The following GPC6 variants were observed in gnomAD, a reference collection of about 807,000 sequenced individuals.
GPC6 encodes glypican-6.
GPC6 carries 14 observed loss-of-function variants against 55.2 expected under a neutral mutation model. The ratio of observed to expected loss-of-function variants is 0.25; its 90% confidence interval spans 0.17 to 0.40. The LOEUF (loss-of-function observed/expected upper bound fraction) is 0.40. Ranked by LOEUF, GPC6 falls within the 10% of genes least tolerant of loss-of-function variation. The pLI, the probability that GPC6 is intolerant of heterozygous loss-of-function variation, is 1.00. For missense variants in GPC6, 641 were observed against 708.5 expected, an observed-to-expected ratio of 0.90 and a Z score of 1.08; for synonymous variants, 278 against 259.6, an observed-to-expected ratio of 1.07 and a Z score of -0.68.
chr13:93,985,615 C>T (rs1880990333), intron 3 of GPC6, among the ~76,000 whole-genome samples: 2 of 141,470 alleles, frequency 1.4e-5, no homozygotes, highest in South Asian at 4.4e-4. Flanking sequence ...TCCATTGAGC[C>T]CAGGAATTCC....
intron 2 of GPC6, among the ~76,000 whole-genome samples, chr13:93,672,658 CATAT>C (rs145132164): frequency 1.3e-5 from 2 of 148,898 alleles, no homozygotes; most frequent in Non-Finnish European, 3.0e-5. Context: ...ATATATATGC[CATAT>C]ATATATACAC....
intron 3 of GPC6, among the ~76,000 whole-genome samples, chr13:93,917,403 C>CAA (rs796168883): frequency 6.6e-6 from 1 of 151,728 alleles, no homozygotes; most frequent in Non-Finnish European, 1.5e-5. Context: ...CTGCCACACA[C>CAA]AAAAAAACAT....
chr13:94,037,844 A>G (rs1277017135), intron 4 of GPC6, among the ~76,000 whole-genome samples: 2 of 151,964 alleles, frequency 1.3e-5, no homozygotes, highest in Non-Finnish European at 2.9e-5. Context: ...GTCTAATAGA[A>G]TTTTCTGTGA....
At position 94,067,616 on chromosome 13, in the gene GPC6, T is replaced by TAGAC. The variant is rs1208428345; in HGVS notation, c.877+39725_877+39726insCAGA. On this transcript the variant is annotated intron_variant, in intron 4 of 8. Coordinates refer to ENST00000377047, the MANE Select transcript of GPC6 (RefSeq NM_005708.5). Reference sequence around the variant, plus strand: ...ATAGATAGATAGATAGATAGATAGATAGATAGACAGACAGACAGACAGATA... The same window carrying TAGAC: ...ATAGATAGATAGATAGATAGATAGATAGACAGATAGACAGACAGACAGACAGATA... 2.1e-5 allele frequency among the ~76,000 whole-genome samples: 3 copies of TAGAC among 141,190 alleles called. No individual in the cohort carries two copies. The East Asian group carries it at 6.2e-4, about 29-fold the overall frequency. The allele number at this position is 141,190 out of a possible 152,430, so 92.6% of individuals were successfully genotyped here.
chr13:93,955,106 C>G (rs1333523779), intron 3 of GPC6, among the ~76,000 whole-genome samples: 1 of 152,084 alleles, frequency 6.6e-6, no homozygotes, highest in Non-Finnish European at 1.5e-5. Flanking sequence ...TGAATGGTGG[C>G]AGGTCACACT....
intron 3 of GPC6, among the ~76,000 whole-genome samples, chr13:93,990,767 G>C (rs1881264243): frequency 6.6e-6 from 1 of 151,708 alleles, no homozygotes; most frequent in South Asian, 2.1e-4. Context: ...GGAAGCTGAG[G>C]CATGAGGATT....
intron 6 of GPC6, among the ~76,000 whole-genome samples, chr13:94,339,751 CTTTTTTTTTTTTTTTT>C (rs56074677): frequency 1.6e-5 from 1 of 63,794 alleles, no homozygotes; most frequent in Non-Finnish European, 2.9e-5. Context: ...GCATACTTTC[CTTTTTTTTTTTTTTTT>C]TTTTTTTTTT....
At position 94,149,987 on chromosome 13, in the gene GPC6, A is replaced by G. The variant is rs540759255; in HGVS notation, c.877+122093A>G. Among the ~76,000 whole-genome samples, 14 of 141,686 alleles carry G rather than the reference A, an allele frequency of 9.9e-5. No homozygotes were observed. The South Asian group carries it at 2.9e-3, about 29-fold the overall frequency. The allele number at this position is 141,686 out of a possible 152,430, so 93.0% of individuals were successfully genotyped here. ...GCCCTGTTCCCAGTCACCTCAGGAAAAAAGGTATAGGCCAGGATAACAGGA... is the reference window on the plus strand; with the variant it reads ...GCCCTGTTCCCAGTCACCTCAGGAAGAAAGGTATAGGCCAGGATAACAGGA... On this transcript the variant is annotated intron_variant, in intron 4 of 8. Coordinates refer to ENST00000377047, the MANE Select transcript of GPC6 (RefSeq NM_005708.5).
At chr13:94,236,025 A>G (rs903347675) in intron 4 of GPC6, among the ~76,000 whole-genome samples, 1 of 152,210 alleles carries the variant, frequency 6.6e-6, no homozygotes, top group Non-Finnish European at 1.5e-5. Flanking sequence ...GCTCAACTGT[A>G]GTAGCCCCTG....
At chr13:94,181,413 G>A (rs1400455096) in intron 4 of GPC6, among the ~76,000 whole-genome samples, 1 of 152,016 alleles carries the variant, frequency 6.6e-6, no homozygotes, top group Non-Finnish European at 1.5e-5. Context: ...GAAATATTGG[G>A]GGCTGGTTCC....
rs1265786325 is a variant in GPC6 at position 94,405,183 on chromosome 13, T to G, written c.*1966T>G. ...CAAGCATCTATTGCTACTTTATGCC[T>G]AATGAAATATAAAATGTAGGATGAT... On this transcript the variant is annotated 3_prime_UTR_variant, in exon 9 of 9. Coordinates refer to ENST00000377047, the MANE Select transcript of GPC6 (RefSeq NM_005708.5). 1 of 152,256 alleles carries G rather than the reference T, an allele frequency of 6.6e-6. No individual in the cohort carries two copies. The allele number at this position is 152,256 out of a possible 1,614,324, so 9.4% of individuals were successfully genotyped here. A position where few individuals can be genotyped will look rare whatever the true frequency, so the allele number is the denominator to read the frequency against.
At chr13:93,892,166 T>C (rs1409472676) in intron 3 of GPC6, among the ~76,000 whole-genome samples, 2 of 152,132 alleles carry the variant, frequency 1.3e-5, no homozygotes, top group African/African-American at 2.4e-5. Context: ...GTATATTGTG[T>C]GTGTGGGACA....
chr13:93,428,826 T>C (rs1877249780), intron 1 of GPC6, among the ~76,000 whole-genome samples: 1 of 152,146 alleles, frequency 6.6e-6, no homozygotes, highest in Non-Finnish European at 1.5e-5. Context: ...AATATTGGTT[T>C]GAATAAATAA....
intron 2 of GPC6, among the ~76,000 whole-genome samples, chr13:93,654,424 T>A (rs1880563603): frequency 6.6e-6 from 1 of 151,776 alleles, no homozygotes; most frequent in Non-Finnish European, 1.5e-5. Context: ...GCCTCCTGGG[T>A]TCAAGCGGTT....
chr13:94,171,866 G>A lies in GPC6; in HGVS notation c.878-114483G>A, dbSNP rs145228638. On this transcript the variant is annotated intron_variant, in intron 4 of 8. Coordinates refer to ENST00000377047, the MANE Select transcript of GPC6 (RefSeq NM_005708.5). ...GGAATCCCCTCTGTTACCCCAAAGT[G>A]CAAAAACCATGAAACTACAAAGTCC... 4.1e-3 allele frequency among the ~76,000 whole-genome samples: 631 copies of A among 152,246 alleles called. 3 individuals carry two copies. The highest frequency in any genetic ancestry group is 6.6e-3 in the Non-Finnish European group (449 of 68,030).
rs527321050 is a variant in GPC6 at position 94,059,216 on chromosome 13, C to CTT, written c.877+31334_877+31335dup. Among the ~76,000 whole-genome samples, 645 of 138,998 alleles carry CTT rather than the reference C, an allele frequency of 4.6e-3. 7 individuals are homozygous for CTT. Among genetic ancestry groups the CTT allele is most frequent in the African/African-American group, 0.012 (463 of 37,682 alleles). The allele number at this position is 138,998 out of a possible 152,430, so 91.2% of individuals were successfully genotyped here. A position where few individuals can be genotyped will look rare whatever the true frequency, so the allele number is the denominator to read the frequency against. On this transcript the variant is annotated intron_variant, in intron 4 of 8. Transcript: ENST00000377047. ...CACTTGCATCCAGGAAAGCATTTTT[C>CTT]TTTTTTTTTTTTTCAGTAATCAGAC...
intron 1 of GPC6, among the ~76,000 whole-genome samples, chr13:93,231,153 T>C (rs1157526436): frequency 6.6e-6 from 1 of 151,448 alleles, no homozygotes; most frequent in Non-Finnish European, 1.5e-5. Flanking sequence ...TTAATAAACT[T>C]ACCTAAGGGT....
chr13:94,343,444 A>T (rs981489604), intron 6 of GPC6, among the ~76,000 whole-genome samples: 1 of 152,136 alleles, frequency 6.6e-6, no homozygotes, highest in African/African-American at 2.4e-5. Flanking sequence ...TTAGCTTACT[A>T]AGTAGGGTAA....
intron 3 of GPC6, among the ~76,000 whole-genome samples, chr13:93,951,554 T>A (rs1879254010): frequency 1.3e-5 from 2 of 152,202 alleles, no homozygotes; most frequent in African/African-American, 4.8e-5. Flanking sequence ...ATTTTGCTGA[T>A]AACCAGTAAT....
Sources: gnomAD v4.1 joint callset for allele counts (sites outside exome capture counted in the v4.1 genomes callset) on GRCh38, gnomAD v4.1.1 for gene constraint, MANE v1.5 for transcripts, NCBI Gene and HGNC (gene_info 2026-07-23, HGNC 2026-07-21) for gene names.